The following LRTM3 variants were observed in gnomAD, a reference collection of about 807,000 sequenced individuals.
The protein encoded by LRTM3 is leucine rich repeat transmembrane protein 3.
the LRTM3 span, chr13:102,742,590 C>T: frequency 1.3e-5 from 20 of 1,550,406 alleles, no homozygotes; most frequent in South Asian, 1.9e-4. Flanking sequence ...AAATCAACTT[C>T]TGCTTCTGTC....
chr13:102,739,757 A>C, the LRTM3 span: 2 of 1,549,028 alleles, frequency 1.3e-6, no homozygotes, highest in African/African-American at 1.4e-5. Flanking sequence ...ATTACTTGAG[A>C]TCACCCCATC....
At chr13:102,750,136 A>T in the LRTM3 span, 1 of 1,551,258 alleles carries the variant, frequency 6.4e-7, no homozygotes, top group South Asian at 1.2e-5. Context: ...GTATTGTTTC[A>T]TATTCTCTGT....
At chr13:102,745,654 C>T in the LRTM3 span, 10 of 1,550,862 alleles carry the variant, frequency 6.4e-6, no homozygotes, top group South Asian at 9.5e-5. Flanking sequence ...ATAAAGCAGG[C>T]ATGCAGGAAC....
chr13:102,742,393 A>G, the LRTM3 span: 1 of 1,546,672 alleles, frequency 6.5e-7, no homozygotes, highest in Non-Finnish European at 8.7e-7. Flanking sequence ...AACTCCAGAT[A>G]GTTCCTGAGA....
At chr13:102,747,848 T>G in the LRTM3 span, 8,028 of 1,551,278 alleles carry the variant, frequency 5.2e-3, 352 homozygotes, top group African/African-American at 0.096. Context: ...ATTTGGGGCT[T>G]TACTACTTCC....
the LRTM3 span, chr13:102,737,804 G>C: frequency 1.3e-6 from 2 of 1,550,756 alleles, no homozygotes; most frequent in East Asian, 4.9e-5. Flanking sequence ...TAAAATACCA[G>C]GTCTGATTAT....
the LRTM3 span, chr13:102,743,991 T>C: frequency 6.5e-7 from 1 of 1,550,318 alleles, no homozygotes. Context: ...CGTGTTCTGT[T>C]AGATAGAATG....
At chr13:102,732,114 C>A in the LRTM3 span, 20 of 1,551,200 alleles carry the variant, frequency 1.3e-5, no homozygotes, top group South Asian at 2.1e-4. Context: ...TTCTGTTCCC[C>A]TTTTACAATT....
the LRTM3 span, chr13:102,741,679 T>C: frequency 6.5e-7 from 1 of 1,550,326 alleles, no homozygotes. Flanking sequence ...TATCCAACTC[T>C]GTAAAAAATA....
the LRTM3 span, chr13:102,734,266 C>T: frequency 1.3e-6 from 2 of 1,551,358 alleles, no homozygotes; most frequent in Non-Finnish European, 1.7e-6. Flanking sequence ...CACTCCTTGC[C>T]TCTGCATCTG....
At chr13:102,752,430 G>A in the LRTM3 span, among the ~76,000 whole-genome samples, 6 of 152,128 alleles carry the variant, frequency 3.9e-5, no homozygotes, top group Non-Finnish European at 8.8e-5. Flanking sequence ...TTCCCAGTCT[G>A]TCAGAATGGC....
the LRTM3 span, chr13:102,731,890 C>T: frequency 6.5e-7 from 1 of 1,549,250 alleles, no homozygotes; most frequent in Non-Finnish European, 8.7e-7. Flanking sequence ...GTTTTAGAAT[C>T]TTTTCTTCCT....
the LRTM3 span, chr13:102,730,326 CACTT>C: frequency 6.4e-7 from 1 of 1,551,274 alleles, no homozygotes; most frequent in Non-Finnish European, 8.7e-7. Flanking sequence ...TCCTCACTCT[CACTT>C]ACTTCAAGAC....
chr13:102,741,331 G>A, the LRTM3 span: 12 of 1,549,474 alleles, frequency 7.7e-6, no homozygotes, highest in African/African-American at 1.2e-4. Context: ...GGTCCTTACT[G>A]AGGAAAGATT....
the LRTM3 span, among the ~76,000 whole-genome samples, chr13:102,755,161 A>C: frequency 2.3e-4 from 35 of 152,114 alleles, no homozygotes; most frequent in Admixed American, 2.1e-3. Context: ...TATGCCACTC[A>C]GTCCTAAGCC....
the LRTM3 span, chr13:102,735,958 G>C: frequency 1.3e-5 from 20 of 1,548,558 alleles, no homozygotes; most frequent in Non-Finnish European, 1.7e-5. Context: ...TCTTTCCATT[G>C]CATAGAAGTG....
At chr13:102,743,840 G>A in the LRTM3 span, 2 of 1,550,174 alleles carry the variant, frequency 1.3e-6, no homozygotes, top group Middle Eastern at 1.7e-4. Context: ...TTCTTTTTCT[G>A]ATAACTGTGC....
the LRTM3 span, chr13:102,745,657 G>T: frequency 6.4e-7 from 1 of 1,550,940 alleles, no homozygotes; most frequent in Non-Finnish European, 8.7e-7. Context: ...AAGCAGGCAT[G>T]CAGGAACCAA....
At chr13:102,740,981 T>C in the LRTM3 span, 1 of 1,550,158 alleles carries the variant, frequency 6.5e-7, no homozygotes, top group Non-Finnish European at 8.7e-7. Flanking sequence ...TGGAGGTTGA[T>C]CCACCGGAAT....
Sources: allele counts gnomAD v4.1 joint callset (sites outside exome capture counted in the v4.1 genomes callset), GRCh38; gene constraint gnomAD v4.1.1; transcripts MANE v1.5; gene names NCBI Gene and HGNC (gene_info 2026-07-23, HGNC 2026-07-21).